PARP2: variants seen among roughly 807,000 people sequenced by gnomAD.
The protein encoded by PARP2 is poly [ADP-ribose] polymerase 2.
In PARP2, 57 loss-of-function variants were observed where a neutral mutation model predicts 77.8. The ratio of observed to expected loss-of-function variants is 0.73; its 90% CI spans 0.59 to 0.91. The LOEUF is 0.91. Among genes scored for constraint, PARP2 ranks in the 40% least tolerant of loss-of-function variants. The pLI is 0.00. For synonymous variants in PARP2, 226 were observed against 242.6 expected, an observed-to-expected ratio of 0.93 and a Z score of 0.64; for missense variants, 651 against 689.0, an observed-to-expected ratio of 0.94 and a Z score of 0.62.
At chr14:20,349,259 A>G (rs1319796314) in intron 4 of PARP2, among the ~76,000 whole-genome samples, 2 of 152,032 alleles carry the variant, frequency 1.3e-5, no homozygotes, top group South Asian at 2.1e-4. Context: ...GGTTGAGGCT[A>G]CAGTGAGCTG....
In PARP2 at chr14:20,354,967, T is replaced by C; in HGVS notation, c.902+20T>C. The C allele has an allele frequency of 6.2e-7, 1 of 1,601,728 alleles. No homozygotes were observed. Among genetic ancestry groups the C allele is most frequent in the African/African-American group, 1.3e-5 (1 of 74,510 alleles). The stretch of plus-strand genomic sequence containing the variant: ...CTTTGGGTAAGGCCTGTGCTGTTAC[T>C]TCACTTTGTTCTTCTACCTATACAT... On this transcript the variant is annotated intron_variant, in intron 9 of 15. Coordinates refer to ENST00000429687, the MANE Select transcript of PARP2 (RefSeq NM_001042618.2).
At position 20,356,295 on chromosome 14, in the gene PARP2, T is replaced by C. The variant is rs1248260897; in HGVS notation, c.1102-12T>C. The C allele has an allele frequency of 2.5e-6, 4 of 1,613,866 alleles. No homozygotes were observed. The highest frequency in any genetic ancestry group is 2.7e-5 in the African/African-American group (2 of 74,914). ...AGAGTCTACATCAGCCTTTTTGTCT[T>C]ATTTTTCACAGGTGATTTCCCAGTA... is the stretch of plus-strand genomic sequence containing the variant. On this transcript the variant is annotated splice_polypyrimidine_tract_variant and intron_variant, in intron 11 of 15. Coordinates refer to ENST00000429687, the MANE Select transcript of PARP2 (RefSeq NM_001042618.2).
chr14:20,354,333 C>A, intron 8 of PARP2, 86 bp downstream of exon 8: 1 of 1,140,318 alleles, frequency 8.8e-7, no homozygotes, highest in Non-Finnish European at 1.3e-6. Context: ...TGATTTAAAG[C>A]TTGCTCATAG....
chr14:20,354,097 A>G lies in PARP2; in HGVS notation c.613A>G (p.Thr205Ala), dbSNP rs79876474. 1.3e-3 allele frequency: 2,053 copies of G among 1,612,814 alleles called. 18 individuals are homozygous for G. In the African/African-American group the frequency reaches 0.022, roughly 18 times the overall value. Residue 205 changes from threonine (T) to alanine (A), a missense_variant, in exon 8 of 16, where the codon ACA becomes GCA. Physicochemically the swap from Thr to Ala is moderately conservative, Grantham distance 58. Coordinates refer to ENST00000429687, the MANE Select transcript of PARP2 (RefSeq NM_001042618.2). ...TTTTTTGCTATAGGATGAAGAGGAA[A>G]CAAAGAAAGAGGAATCTCTTAAATC... ...YATNTQDEEE[T>A]KKEESLKSPL... is the part of the protein sequence containing the mutation.
intron 3 of PARP2, among the ~76,000 whole-genome samples, 195 bp downstream of exon 3, chr14:20,345,659 C>T (rs545887768): frequency 2.6e-4 from 39 of 152,234 alleles, no homozygotes; most frequent in African/African-American, 9.4e-4. Flanking sequence ...TGTTTTTTAA[C>T]ATGGTGTGTT....
chr14:20,344,975 A>T lies in PARP2; in HGVS notation c.90A>T (p.Pro30=), dbSNP rs951988086. 1 of 1,614,180 alleles carries T rather than the reference A, an allele frequency of 6.2e-7. No individual in the cohort carries two copies. Among genetic ancestry groups the T allele is most frequent in the African/African-American group, 1.3e-5 (1 of 75,058 alleles). The change falls in exon 2 of 16, where the codon CCA becomes CCT. Residue 30 remains proline (P), a synonymous_variant. Transcript: ENST00000429687. ...SKRVNNGNTA[P]EDSSPAKKTR... ...GAGTTAATAATGGCAACACGGCTCC[A>T]GAAGACTCTTCCCCTGCCAAGAAAA...
At chr14:20,356,263 C>G (rs777682930) in intron 11 of PARP2, 44 bp from the exon 12 acceptor site, 8 of 1,608,658 alleles carry the variant, frequency 5.0e-6, no homozygotes, top group Admixed American at 1.7e-5. Context: ...TCAGCTCAGT[C>G]TCTTGTAGAG....
chr14:20,356,453 G>T lies in PARP2; in HGVS notation c.1229+19G>T, dbSNP rs372044309. ...ATAACAGGTCTGAGTCTAGCTTTGC[G>T]TTTGGAAAGACACTCCTTGCCCGAA... On this transcript the variant is annotated intron_variant, in intron 12 of 15. Transcript: ENST00000429687. 6.2e-7 allele frequency: 1 copy of T among 1,614,100 alleles called. No individual in the cohort carries two copies. Among genetic ancestry groups the T allele is most frequent in the Non-Finnish European group, 8.5e-7 (1 of 1,179,946 alleles).
intron 11 of PARP2, 84 bp from the exon 12 acceptor site, chr14:20,356,223 A>G: frequency 1.3e-6 from 2 of 1,525,764 alleles, no homozygotes; most frequent in African/African-American, 1.4e-5. Flanking sequence ...AGGTCTGCCA[A>G]GTTATATCAG....
rs745974870 is a variant in PARP2 at position 20,354,829 on chromosome 14, A to G, written c.784A>G (p.Ile262Val). ...APLGKLTVAQ[I>V]KAGYQSLKKI... The stretch of plus-strand genomic sequence containing the variant: ...TGCAGGGAAGCTGACAGTGGCACAA[A>G]TCAAGGCAGGTTACCAGTCTCTTAA... Residue 262 changes from isoleucine (I) to valine (V), a missense_variant, in exon 9 of 16, where the codon ATC becomes GTC. By Grantham distance (29) the Ile-to-Val change is conservative (BLOSUM62 3). Coordinates refer to ENST00000429687, the MANE Select transcript of PARP2 (RefSeq NM_001042618.2). The G allele has an allele frequency of 1.2e-6, 2 of 1,613,524 alleles. No individual in the cohort carries two copies. Among genetic ancestry groups the G allele is most frequent in the Admixed American group, 3.3e-5 (2 of 59,868 alleles).
intron 1 of PARP2, 80 bp downstream of exon 1, chr14:20,343,767 T>C (rs1883604470): frequency 2.4e-5 from 34 of 1,439,502 alleles, no homozygotes; most frequent in Non-Finnish European, 3.3e-5. Flanking sequence ...GTGACCCCCT[T>C]CCCCTTCCAG....
At chr14:20,347,380 ATATATATATATATATATATT>A (rs1883789993) in intron 4 of PARP2, among the ~76,000 whole-genome samples, 1 of 14,676 alleles carries the variant, frequency 6.8e-5, no homozygotes, top group African/African-American at 2.4e-4. Flanking sequence ...ATATATATAT[ATATATATATATATATATATT>A]TTTTTTTTTT....
rs3093930 is a variant in PARP2, at chr14:20,356,022, T to G, written c.1092T>G (p.Tyr364Ter). 1.9e-6 allele frequency: 3 copies of G among 1,613,466 alleles called. No individual in the cohort carries two copies. In the South Asian group the frequency reaches 3.3e-5, roughly 18 times the overall value. The change falls in exon 11 of 16, where the codon TAT (tyrosine) becomes TAG (stop). Residue 364 changes from tyrosine to a stop codon, truncating the protein, a stop_gained. Transcript: ENST00000429687. LOFTEE classifies it high-confidence loss of function. Reference sequence around the variant, plus strand: ...TGCGCCCCCTTGACCATGAAAGTTATGAGTTCAAAGTAAGAAAAATGATCA... The same window carrying G: ...TGCGCCCCCTTGACCATGAAAGTTAGGAGTTCAAAGTAAGAAAAATGATCA... ...CALRPLDHES[Y>*]EFKVISQYLQ...
chr14:20,350,949 C>A, intron 5 of PARP2, 98 bp from the exon 6 acceptor site: 1 of 905,444 alleles, frequency 1.1e-6, no homozygotes, highest in East Asian at 2.5e-5. Flanking sequence ...TTCCCTTCTC[C>A]CTTTCCTGCC....
chr14:20,346,931 G>C lies in PARP2; in HGVS notation c.324+18G>C, dbSNP rs779185909. 4 of 1,543,146 alleles carry C rather than the reference G, an allele frequency of 2.6e-6. 1 individual carries two copies. Among genetic ancestry groups the C allele is most frequent in the Non-Finnish European group, 9.0e-7 (1 of 1,117,172 alleles). On this transcript the variant is annotated intron_variant, in intron 4 of 15. Coordinates refer to ENST00000429687, the MANE Select transcript of PARP2 (RefSeq NM_001042618.2). ...TAAATCAGGTAAGAGGCAAGAAGAG[G>C]TGGCACCATTATATTTATGAGACCA...
chr14:20,355,221 C>G lies in PARP2; in HGVS notation c.902+274C>G, dbSNP rs72671276. 871 of 302,360 alleles carry G rather than the reference C, an allele frequency of 2.9e-3. 5 individuals are homozygous for G. Among genetic ancestry groups the G allele is most frequent in the Middle Eastern group, 4.8e-3 (5 of 1,038 alleles). 18.7% of individuals were successfully genotyped at this position (302,360 alleles called of 1,614,324 possible). A position where few individuals can be genotyped will look rare whatever the true frequency, so the allele number is the denominator to read the frequency against. On this transcript the variant is annotated intron_variant, in intron 9 of 15. Transcript: ENST00000429687. ...TAGCTATCCAACCACCCAAGTAAAA[C>G]ACCTTCAGGCATATCACCCCCTTTT...
Position 20,355,904 on chromosome 14 carries a change from G to A in PARP2, c.974G>A (p.Gly325Glu). The A allele has an allele frequency of 6.2e-7, 1 of 1,614,110 alleles. No individual in the cohort carries two copies. Among genetic ancestry groups the A allele is most frequent in the Non-Finnish European group, 8.5e-7 (1 of 1,180,016 alleles). Residue 325 changes from glycine to glutamate, a missense_variant, in exon 11 of 16, where the codon GGA (glycine) becomes GAA (glutamate). By Grantham distance (98) the Gly-to-Glu change is moderately conservative. Coordinates refer to ENST00000429687, the MANE Select transcript of PARP2 (RefSeq NM_001042618.2). ...TATATCTCATCTTCTCAGGCTTTGG[G>A]AGACATTGAAATTGCTATTAAGCTG... is the stretch of plus-strand genomic sequence containing the variant. ...SEKIQLLEAL[G>E]DIEIAIKLVK...
intron 7 of PARP2, chr14:20,352,558 C>CTCTTTTTTTT (rs1883996652): frequency 4.8e-6 from 1 of 208,724 alleles, no homozygotes; most frequent in East Asian, 8.0e-5. Flanking sequence ...GATTTTTTTT[C>CTCTTTTTTTT]TTTTTTTTTT....
In PARP2 at chr14:20,343,639, T is replaced by G; in HGVS notation, c.-3T>G. The G allele has an allele frequency of 1.2e-6, 2 of 1,609,944 alleles. No individual in the cohort carries two copies. Among genetic ancestry groups the G allele is most frequent in the Non-Finnish European group, 1.7e-6 (2 of 1,178,852 alleles). ...GGGTTGATGACGTCAGCGTTCGAATTCCATGGCGGCGCGGCGGCGACGGAG... is the reference window on the plus strand; with the variant it reads ...GGGTTGATGACGTCAGCGTTCGAATGCCATGGCGGCGCGGCGGCGACGGAG... On this transcript the variant is annotated 5_prime_UTR_variant, in exon 1 of 16. In the 5' UTR this introduces an upstream ATG that the reference lacks. Transcript: ENST00000429687.
Sources: allele counts gnomAD v4.1 joint callset (sites outside exome capture counted in the v4.1 genomes callset), GRCh38; gene constraint gnomAD v4.1.1; transcripts MANE v1.5; gene names NCBI Gene and HGNC (gene_info 2026-07-23, HGNC 2026-07-21).